Variants in ZNF804B observed in about 807,000 individuals in gnomAD.
The protein encoded by ZNF804B is zinc finger protein 804B.
Under a neutral mutation model 101.4 loss-of-function variants are expected in ZNF804B, and 80 were observed. The ratio of observed to expected loss-of-function variants is 0.79; its 90% confidence interval spans 0.66 to 0.95. The LOEUF (loss-of-function observed/expected upper bound fraction) is 0.95. Ranked by LOEUF, ZNF804B falls within the 40% of genes least tolerant of loss-of-function variation. The pLI is 0.00. For synonymous variants in ZNF804B, 622 were observed against 558.8 expected, an observed-to-expected ratio of 1.11 and a Z score of -1.59; for missense variants, 1,673 against 1,561.9, an observed-to-expected ratio of 1.07 and a Z score of -1.20.
intron 1 of ZNF804B, among the ~76,000 whole-genome samples, chr7:88,984,645 A>T (rs1793735275): frequency 6.6e-6 from 1 of 152,092 alleles, no homozygotes; most frequent in Admixed American, 6.6e-5. Context: ...CAATGCAAAA[A>T]TTCTTGAATT....
rs868080470 is a variant in ZNF804B at position 88,877,028 on chromosome 7, T to A, written c.108+116944T>A. On this transcript the variant is annotated intron_variant, in intron 1 of 3. Transcript: ENST00000333190. ...AAAAAATATATATATATATATATAA[T>A]ATATATATATATATATATATATTTT... is the stretch of plus-strand genomic sequence containing the variant. Among the ~76,000 whole-genome samples the A allele has an allele frequency of 7.6e-3, 276 of 36,314 alleles. 6 individuals carry two copies. The highest frequency in any genetic ancestry group is 0.015 in the African/African-American group (96 of 6,408). 23.8% of individuals were successfully genotyped at this position (36,314 alleles called of 152,430 possible). A position where few individuals can be genotyped will look rare whatever the true frequency, so the allele number is the denominator to read the frequency against.
chr7:89,248,151 T>C (rs933558978), intron 2 of ZNF804B, among the ~76,000 whole-genome samples: 6 of 151,916 alleles, frequency 3.9e-5, no homozygotes, highest in Admixed American at 1.3e-4. Flanking sequence ...CTGAAAGAGA[T>C]AGAGAAAAGA....
At chr7:89,285,294 G>C (rs1441029643) in intron 2 of ZNF804B, among the ~76,000 whole-genome samples, 1 of 151,492 alleles carries the variant, frequency 6.6e-6, no homozygotes, top group Non-Finnish European at 1.5e-5. Flanking sequence ...AGCCCGAGGC[G>C]GGTGGATCAT....
intron 2 of ZNF804B, among the ~76,000 whole-genome samples, chr7:89,312,155 C>A (rs1172869016): frequency 6.6e-6 from 1 of 152,168 alleles, no homozygotes; most frequent in Non-Finnish European, 1.5e-5. Context: ...CTAGTCCACT[C>A]TGAGTTATAA....
Position 88,896,471 on chromosome 7 carries a change from G to C in ZNF804B, c.108+136387G>C, listed in dbSNP as rs10250372. Reference sequence around the variant, plus strand: ...CTGGCAGGGGAGGGAAAGAAATAAGGCACATGGAGGCTTCAAAAAGATTAT... The same window carrying C: ...CTGGCAGGGGAGGGAAAGAAATAAGCCACATGGAGGCTTCAAAAAGATTAT... On this transcript the variant is annotated intron_variant, in intron 1 of 3. Coordinates refer to ENST00000333190, the MANE Select transcript of ZNF804B (RefSeq NM_181646.5). 7.3e-3 allele frequency among the ~76,000 whole-genome samples: 1,105 copies of C among 152,158 alleles called. 13 individuals are homozygous for C. Among genetic ancestry groups the C allele is most frequent in the African/African-American group, 0.026 (1,063 of 41,540 alleles).
At chr7:89,278,637 G>A (rs1450547957) in intron 2 of ZNF804B, among the ~76,000 whole-genome samples, 5 of 151,506 alleles carry the variant, frequency 3.3e-5, no homozygotes, top group African/African-American at 1.2e-4. Context: ...TTTTTCTCAG[G>A]TTTGTCAAAG....
At chr7:88,811,782 T>G (rs1383516707) in intron 1 of ZNF804B, among the ~76,000 whole-genome samples, 1 of 151,976 alleles carries the variant, frequency 6.6e-6, no homozygotes, top group East Asian at 1.9e-4. Flanking sequence ...TGAGAACATA[T>G]AGACATAGGA....
chr7:89,106,484 G>A (rs183659606), intron 1 of ZNF804B, among the ~76,000 whole-genome samples: 2 of 152,172 alleles, frequency 1.3e-5, no homozygotes, highest in East Asian at 3.9e-4. Context: ...GAGATTGATG[G>A]CTTGTGTAGA....
intron 2 of ZNF804B, among the ~76,000 whole-genome samples, chr7:89,276,155 A>C (rs1789977070): frequency 6.6e-6 from 1 of 151,744 alleles, no homozygotes; most frequent in South Asian, 2.1e-4. Context: ...AATAACACAC[A>C]CTGTGGCCTG....
rs919969782 is a variant in ZNF804B, at chr7:89,338,282, G to A, written c.*1250G>A. Among the ~76,000 whole-genome samples the A allele has an allele frequency of 6.6e-6, 1 of 152,062 alleles. No homozygotes were observed. Among genetic ancestry groups the A allele is most frequent in the East Asian group, 1.9e-4 (1 of 5,184 alleles). On this transcript the variant is annotated 3_prime_UTR_variant, in exon 4 of 4. Coordinates refer to ENST00000333190, the MANE Select transcript of ZNF804B (RefSeq NM_181646.5). ...CTCTACCACTAGAAGATTAGAGGAT[G>A]TCTTCTTCAGCCTTGGCTGCAAAAG...
intron 1 of ZNF804B, among the ~76,000 whole-genome samples, chr7:89,187,045 T>C (rs1788384761): frequency 6.6e-6 from 1 of 152,182 alleles, no homozygotes; most frequent in African/African-American, 2.4e-5. Context: ...TGGAATGTAA[T>C]TCCAAATTTA....
chr7:89,165,412 T>G (rs961880574), intron 1 of ZNF804B, among the ~76,000 whole-genome samples: 1 of 151,446 alleles, frequency 6.6e-6, no homozygotes, highest in African/African-American at 2.4e-5. Context: ...AATGATAAAA[T>G]TGTATTTCAC....
At chr7:89,161,334 G>A (rs1791059330) in intron 1 of ZNF804B, among the ~76,000 whole-genome samples, 2 of 151,590 alleles carry the variant, frequency 1.3e-5, no homozygotes, top group Non-Finnish European at 2.9e-5. Context: ...TGAAAATGAA[G>A]CCAACAGAAC....
chr7:89,259,585 G>C (rs1789681459), intron 2 of ZNF804B, among the ~76,000 whole-genome samples: 1 of 152,132 alleles, frequency 6.6e-6, no homozygotes. Flanking sequence ...AATGCCATGT[G>C]TAATGAGCCT....
intron 1 of ZNF804B, among the ~76,000 whole-genome samples, chr7:88,797,178 T>C (rs1790499246): frequency 6.6e-6 from 1 of 152,134 alleles, no homozygotes; most frequent in African/African-American, 2.4e-5. Context: ...TTTGTTCATG[T>C]TTCATCCAAG....
intron 1 of ZNF804B, among the ~76,000 whole-genome samples, chr7:88,781,726 A>G (rs9791852): frequency 0.49 from 74,879 of 152,084 alleles, 21,861 homozygotes; most frequent in East Asian, 0.79. Flanking sequence ...TTAGTGAGTG[A>G]AAAATCTGAG....
At chr7:89,188,140 C>G (rs1293065977) in intron 1 of ZNF804B, among the ~76,000 whole-genome samples, 4 of 151,952 alleles carry the variant, frequency 2.6e-5, no homozygotes, top group African/African-American at 9.7e-5. Flanking sequence ...GTGCCATTCT[C>G]CCGACAGCCT....
At chr7:89,171,284 TGC>T (rs1562904363) in intron 1 of ZNF804B, among the ~76,000 whole-genome samples, 1,591 of 65,750 alleles carry the variant, frequency 0.024, 20 homozygotes, top group African/African-American at 0.035. Flanking sequence ...ATAATGCTGC[TGC>T]TGCTTCTTCT....
intron 2 of ZNF804B, among the ~76,000 whole-genome samples, chr7:89,323,213 A>G (rs1790846801): frequency 6.6e-6 from 1 of 152,222 alleles, no homozygotes; most frequent in Non-Finnish European, 1.5e-5. Flanking sequence ...TGAACTTCCC[A>G]GCTTTCAGAA....
Sources: allele counts gnomAD v4.1 joint callset (sites outside exome capture counted in the v4.1 genomes callset), GRCh38; gene constraint gnomAD v4.1.1; transcripts MANE v1.5; gene names NCBI Gene and HGNC (gene_info 2026-07-23, HGNC 2026-07-21).